Variants in SOST observed in about 807,000 individuals in gnomAD.
The protein encoded by SOST is sclerostin.
Under a neutral mutation model 16.7 loss-of-function variants are expected in SOST, and 14 were observed. The observed-to-expected ratio is 0.84, with a 90% CI of 0.55 to 1.31. SOST has a LOEUF of 1.31. Among genes scored for constraint, SOST ranks in the 50% most tolerant of loss-of-function variants. The pLI is 0.00. For missense variants in SOST, 291 were observed against 310.7 expected (o/e 0.94, Z 0.48); for synonymous variants, 150 against 140.9 (o/e 1.06, Z -0.46).
chr17:43,757,201 C>T lies in SOST; in HGVS notation c.220+1321G>A, dbSNP rs531771821. ...ATAGCGCCCCTAGGCCAGGCACTTCCTCTGCAGATCATGACTTTGTTTTGA... is the reference window on the plus strand; with the variant it reads ...ATAGCGCCCCTAGGCCAGGCACTTCTTCTGCAGATCATGACTTTGTTTTGA... On this transcript the variant is annotated intron_variant, in intron 1 of 1. Coordinates refer to ENST00000301691, the MANE Select transcript of SOST (RefSeq NM_025237.3). 3.3e-5 allele frequency among the ~76,000 whole-genome samples: 5 copies of T among 152,370 alleles called. No homozygotes were observed. The South Asian group carries it at 1.0e-3, about 32-fold the overall frequency.
In SOST at chr17:43,755,317, C is replaced by T; in HGVS notation, c.*25G>A. On this transcript the variant is annotated 3_prime_UTR_variant, in exon 2 of 2. Transcript: ENST00000301691. The surrounding 1 kb of genome is among the most constrained non-coding windows in gnomAD (Gnocchi z 4.3). ...GCGGGTTCAGGGCCGGGGCGCCCGC[C>T]GGTGGGGAGGGGCGCGGGCGGGCTC... The T allele has an allele frequency of 6.6e-7, 1 of 1,524,500 alleles. No homozygotes were observed. Among genetic ancestry groups the T allele is most frequent in the South Asian group, 1.3e-5 (1 of 79,098 alleles). 94.4% of individuals were successfully genotyped at this position (1,524,500 alleles called of 1,614,324 possible).
chr17:43,758,020 C>G (rs972762912), intron 1 of SOST, among the ~76,000 whole-genome samples: 2 of 152,178 alleles, frequency 1.3e-5, no homozygotes, highest in African/African-American at 4.8e-5. Flanking sequence ...CCTGTTTCTT[C>G]CCCTTCGAGC....
At chr17:43,757,367 G>A (rs1974142494) in intron 1 of SOST, among the ~76,000 whole-genome samples, 1 of 152,156 alleles carries the variant, frequency 6.6e-6, no homozygotes, top group African/African-American at 2.4e-5. Context: ...GGGGGGAGGC[G>A]CCCTTGTCCT....
chr17:43,755,787 G>T lies in SOST; in HGVS notation c.221-24C>A. ...GTCTGTGGAGAGAGGCGCGCGTGAGGGTGGCCGCCCGCCTGGCCACCCCTG... is the reference window on the plus strand; with the variant it reads ...GTCTGTGGAGAGAGGCGCGCGTGAGTGTGGCCGCCCGCCTGGCCACCCCTG... On this transcript the variant is annotated intron_variant, in intron 1 of 1. Transcript: ENST00000301691. The surrounding 1 kb of genome is among the most constrained non-coding windows in gnomAD (Gnocchi z 4.3). 6.4e-7 allele frequency: 1 copy of T among 1,560,728 alleles called. No homozygotes were observed. Among genetic ancestry groups the T allele is most frequent in the Non-Finnish European group, 8.6e-7 (1 of 1,162,792 alleles).
Position 43,755,830 on chromosome 17 carries a change from T to G in SOST, c.221-67A>C, listed in dbSNP as rs114609105. 1.6e-3 allele frequency: 2,477 copies of G among 1,506,838 alleles called. 24 individuals are homozygous for G. In the African/African-American group the frequency reaches 0.027, roughly 17 times the overall value. 93.3% of individuals were successfully genotyped at this position (1,506,838 alleles called of 1,614,324 possible). A position where few individuals can be genotyped will look rare whatever the true frequency, so the allele number is the denominator to read the frequency against. The stretch of plus-strand genomic sequence containing the variant: ...CACCCCTGCCCTGGACCGGCCCGTC[T>G]CTCTCCACCCCAGCCCTGCTTTTGC... On this transcript the variant is annotated intron_variant, in intron 1 of 1. Transcript: ENST00000301691. The surrounding 1 kb of genome is among the most constrained non-coding windows in gnomAD (Gnocchi z 4.3).
Position 43,755,238 on chromosome 17 carries a change from T to G in SOST, c.*104A>C. ...AGCCCCCTGCCCTGGGTTGCAGGCA[T>G]TTACAATGAAATATAAACAATCAAA... On this transcript the variant is annotated 3_prime_UTR_variant, in exon 2 of 2. Transcript: ENST00000301691. This position sits in a 1 kb window ranked among gnomAD's most constrained non-coding sequence, Gnocchi z 4.3. The G allele has an allele frequency of 8.5e-7, 1 of 1,182,812 alleles. No homozygotes were observed. The allele number at this position is 1,182,812 out of a possible 1,614,324, so 73.3% of individuals were successfully genotyped here.
At position 43,755,280 on chromosome 17, in the gene SOST, G is replaced by C. The variant is rs934290125; in HGVS notation, c.*62C>G. 47 of 1,421,326 alleles carry C rather than the reference G, an allele frequency of 3.3e-5. No homozygotes were observed. Among genetic ancestry groups the C allele is most frequent in the Non-Finnish European group, 4.4e-5 (47 of 1,078,844 alleles). The allele number at this position is 1,421,326 out of a possible 1,614,324, so 88.0% of individuals were successfully genotyped here. ...ACAATCAAACCACGCGCAGAGGACA[G>C]AAATGTGGGGCGCGGGTTCAGGGCC... On this transcript the variant is annotated 3_prime_UTR_variant, in exon 2 of 2. Coordinates refer to ENST00000301691, the MANE Select transcript of SOST (RefSeq NM_025237.3). The surrounding 1 kb of genome is among the most constrained non-coding windows in gnomAD (Gnocchi z 4.3).
intron 1 of SOST, among the ~76,000 whole-genome samples, chr17:43,757,115 ATG>A (rs1219481833): frequency 6.6e-6 from 1 of 152,098 alleles, no homozygotes; most frequent in Non-Finnish European, 1.5e-5. Flanking sequence ...CAGGGCTGGA[ATG>A]TGTGTGTGGT....
Position 43,755,561 on chromosome 17 carries a change from C to A in SOST, c.423G>T (p.Ala141=), listed in dbSNP as rs764069360. Residue 141 remains alanine, a synonymous_variant, in exon 2 of 2, where the codon GCG becomes GCT. Transcript: ENST00000301691. This position sits in a 1 kb window ranked among gnomAD's most constrained non-coding sequence, Gnocchi z 4.3. The part of the protein sequence containing the change: ...DFRCIPDRYR[A]QRVQLLCPGG... ...CGGGACACAGCAGCTGCACGCGCTG[C>A]GCGCGGTAGCGGTCGGGGATGCAGC... The A allele has an allele frequency of 2.3e-5, 37 of 1,593,940 alleles. No individual in the cohort carries two copies. Among genetic ancestry groups the A allele is most frequent in the Non-Finnish European group, 2.7e-5 (32 of 1,176,094 alleles).
In SOST at chr17:43,755,563, C is replaced by T; in HGVS notation, c.421G>A (p.Ala141Thr). ...GGACACAGCAGCTGCACGCGCTGCG[C>T]GCGGTAGCGGTCGGGGATGCAGCGG... ...DFRCIPDRYR[A>T]QRVQLLCPGG... is the part of the protein sequence containing the mutation. Residue 141 changes from alanine (A) to threonine (T), a missense_variant, in exon 2 of 2, where the codon GCG becomes ACG. Transcript: ENST00000301691. The surrounding 1 kb of genome is among the most constrained non-coding windows in gnomAD (Gnocchi z 4.3). The T allele has an allele frequency of 1.3e-6, 2 of 1,594,384 alleles. No homozygotes were observed. Among genetic ancestry groups the T allele is most frequent in the Non-Finnish European group, 1.7e-6 (2 of 1,176,150 alleles).
At chr17:43,758,021 C>A (rs1974149665) in intron 1 of SOST, among the ~76,000 whole-genome samples, 1 of 152,154 alleles carries the variant, frequency 6.6e-6, no homozygotes, top group African/African-American at 2.4e-5. Flanking sequence ...CTGTTTCTTC[C>A]CCTTCGAGCT....
intron 1 of SOST, 81 bp downstream of exon 1, chr17:43,758,441 C>T: frequency 8.8e-7 from 1 of 1,132,632 alleles, no homozygotes; most frequent in South Asian, 1.3e-5. Flanking sequence ...GGGTCTACCC[C>T]AGTCTTCCAA....
At position 43,755,623 on chromosome 17, in the gene SOST, G is replaced by C; in HGVS notation, c.361C>G (p.Arg121Gly). The change falls in exon 2 of 2, where the codon CGC becomes GGC. Residue 121 changes from arginine to glycine, a missense_variant. Physicochemically the swap from Arg to Gly is moderately radical, Grantham distance 125 (BLOSUM62 -2). Coordinates refer to ENST00000301691, the MANE Select transcript of SOST (RefSeq NM_025237.3). The surrounding 1 kb of genome is among the most constrained non-coding windows in gnomAD (Gnocchi z 4.3). ...PARLLPNAIGRGKWWRPSGPD... is the reference protein window; with the variant it reads ...PARLLPNAIGGGKWWRPSGPD... ...CCACTAGGTCGCCACCACTTGCCGC[G>C]GCCGATGGCGTTGGGCAGCAGGCGC... The C allele has an allele frequency of 6.3e-7, 1 of 1,582,768 alleles. No individual in the cohort carries two copies. The highest frequency in any genetic ancestry group is 8.5e-7 in the Non-Finnish European group (1 of 1,171,392).
rs1974098704 is a variant in SOST, at chr17:43,753,982, T to G, written c.*1360A>C. 6.6e-6 allele frequency: 1 copy of G among 151,842 alleles called. No individual in the cohort carries two copies. The highest frequency in any genetic ancestry group is 2.5e-5 in the African/African-American group (1 of 40,644). 9.4% of individuals were successfully genotyped at this position (151,842 alleles called of 1,614,324 possible). ...TGCAGGCTTTCATATGTCATGTGCT[T>G]CTGTTTAAAACTTTTTTTTTTTAAC... On this transcript the variant is annotated 3_prime_UTR_variant, in exon 2 of 2. Coordinates refer to ENST00000301691, the MANE Select transcript of SOST (RefSeq NM_025237.3).
At position 43,755,325 on chromosome 17, in the gene SOST, A is replaced by T; in HGVS notation, c.*17T>A. 6.5e-7 allele frequency: 1 copy of T among 1,538,130 alleles called. No homozygotes were observed. The highest frequency in any genetic ancestry group is 8.7e-7 in the Non-Finnish European group (1 of 1,155,750). On this transcript the variant is annotated 3_prime_UTR_variant, in exon 2 of 2. Transcript: ENST00000301691. This position sits in a 1 kb window ranked among gnomAD's most constrained non-coding sequence, Gnocchi z 4.3. ...AGGGCCGGGGCGCCCGCCGGTGGGG[A>T]GGGGCGCGGGCGGGCTCTAGTAGGC...
chr17:43,756,846 T>C (rs1974136194), intron 1 of SOST, among the ~76,000 whole-genome samples: 1 of 152,192 alleles, frequency 6.6e-6, no homozygotes, highest in Admixed American at 6.5e-5. Flanking sequence ...ATGTCTCCTA[T>C]GGTGGACTTA....
chr17:43,755,166 G>A lies in SOST; in HGVS notation c.*176C>T. ...TGGGACCCCTCAGCTGGCGGGCTGA[G>A]GGGGGCCTTGCCGGCGCCCGGGATT... On this transcript the variant is annotated 3_prime_UTR_variant, in exon 2 of 2. Coordinates refer to ENST00000301691, the MANE Select transcript of SOST (RefSeq NM_025237.3). The surrounding 1 kb of genome is among the most constrained non-coding windows in gnomAD (Gnocchi z 4.3). The A allele has an allele frequency of 6.7e-6, 4 of 593,344 alleles. No homozygotes were observed. The highest frequency in any genetic ancestry group is 8.2e-6 in the Non-Finnish European group (3 of 365,338). 36.8% of individuals were successfully genotyped at this position (593,344 alleles called of 1,614,324 possible).
Position 43,755,827 on chromosome 17 carries a change from G to GTC in SOST, c.221-66_221-65dup, listed in dbSNP as rs1974125326. The stretch of plus-strand genomic sequence containing the variant: ...GGCCACCCCTGCCCTGGACCGGCCC[G>GTC]TCTCTCTCCACCCCAGCCCTGCTTT... On this transcript the variant is annotated intron_variant, in intron 1 of 1. Coordinates refer to ENST00000301691, the MANE Select transcript of SOST (RefSeq NM_025237.3). This position sits in a 1 kb window ranked among gnomAD's most constrained non-coding sequence, Gnocchi z 4.3. 1.3e-6 allele frequency: 2 copies of GTC among 1,511,820 alleles called. No homozygotes were observed. The highest frequency in any genetic ancestry group is 2.4e-5 in the South Asian group (2 of 82,278). 93.7% of individuals were successfully genotyped at this position (1,511,820 alleles called of 1,614,324 possible). A position where few individuals can be genotyped will look rare whatever the true frequency, so the allele number is the denominator to read the frequency against.
At position 43,755,781 on chromosome 17, in the gene SOST, C is replaced by T. The variant is rs761809165; in HGVS notation, c.221-18G>A. On this transcript the variant is annotated intron_variant, in intron 1 of 1. Transcript: ENST00000301691. This position sits in a 1 kb window ranked among gnomAD's most constrained non-coding sequence, Gnocchi z 4.3. ...GGACACGTCTGTGGAGAGAGGCGCGCGTGAGGGTGGCCGCCCGCCTGGCCA... is the reference window on the plus strand; with the variant it reads ...GGACACGTCTGTGGAGAGAGGCGCGTGTGAGGGTGGCCGCCCGCCTGGCCA... 3.4e-5 allele frequency: 54 copies of T among 1,566,872 alleles called. No individual in the cohort carries two copies. The African/African-American group carries it at 3.8e-4, about 11-fold the overall frequency.
Sources: allele counts gnomAD v4.1 joint callset (sites outside exome capture counted in the v4.1 genomes callset), GRCh38; gene constraint gnomAD v4.1.1; non-coding constraint Gnocchi (gnomAD v3.1); transcripts MANE v1.5; gene names NCBI Gene and HGNC (gene_info 2026-07-23, HGNC 2026-07-21).